Variants in PPARGC1B observed in about 807,000 individuals in gnomAD.
PPARGC1B encodes peroxisome proliferator-activated receptor gamma coactivator 1-beta.
Under a neutral mutation model 101.6 loss-of-function variants are expected in PPARGC1B, and 34 were observed. The observed-to-expected ratio is 0.33, with a 90% CI of 0.25 to 0.45. The LOEUF is 0.45. Among genes scored for constraint, PPARGC1B ranks in the 20% least tolerant of loss-of-function variants. The probability of loss-of-function intolerance (pLI) is 1.00; values close to 1 mark genes in which losing one functional copy is unlikely to be tolerated. For missense variants in PPARGC1B, 1,234 were observed against 1,317.6 expected (o/e 0.94, Z 0.98); for synonymous variants, 548 against 539.3 (o/e 1.02, Z -0.22).
intron 1 of PPARGC1B, among the ~76,000 whole-genome samples, chr5:149,784,499 C>T (rs1466796857): frequency 1.3e-5 from 2 of 151,814 alleles, no homozygotes; most frequent in Admixed American, 6.6e-5. Context: ...GGATCTGGCC[C>T]TGCATACCTC....
rs550080351 is a variant in PPARGC1B at position 149,763,155 on chromosome 5, C to G, written c.78+32735C>G. ...TGCCATCCCCTGCAACTTCCCTCCCCACTCTGGCCCTGCAGCCTCGCTTGC... is the reference window on the plus strand; with the variant it reads ...TGCCATCCCCTGCAACTTCCCTCCCGACTCTGGCCCTGCAGCCTCGCTTGC... On this transcript the variant is annotated intron_variant, in intron 1 of 11. Coordinates refer to ENST00000309241, the MANE Select transcript of PPARGC1B (RefSeq NM_133263.4). 7.3e-3 allele frequency among the ~76,000 whole-genome samples: 941 copies of G among 129,632 alleles called. 7 individuals carry two copies. The highest frequency in any genetic ancestry group is 0.024 in the African/African-American group (908 of 37,572). 85.0% of individuals were successfully genotyped at this position (129,632 alleles called of 152,430 possible). A position where few individuals can be genotyped will look rare whatever the true frequency, so the allele number is the denominator to read the frequency against.
At chr5:149,766,266 A>G (rs564714805) in intron 1 of PPARGC1B, among the ~76,000 whole-genome samples, 39 of 152,384 alleles carry the variant, frequency 2.6e-4, no homozygotes, top group Non-Finnish European at 5.0e-4. Flanking sequence ...CAGGAAGAAC[A>G]GGCTAAAATA....
chr5:149,773,077 G>T (rs1003082771), intron 1 of PPARGC1B, among the ~76,000 whole-genome samples: 2 of 152,178 alleles, frequency 1.3e-5, no homozygotes, highest in Non-Finnish European at 2.9e-5. Context: ...ATATTGTTCT[G>T]CCCGTGTACC....
chr5:149,737,438 GTCT>G (rs979920097), intron 1 of PPARGC1B, among the ~76,000 whole-genome samples: 28 of 152,082 alleles, frequency 1.8e-4, no homozygotes, highest in Admixed American at 1.4e-3. Context: ...CCTTTTCTGT[GTCT>G]TCCTTCTCCA....
chr5:149,853,945 T>A lies in PPARGC1B; in HGVS notation c.*6387T>A, dbSNP rs1759865315. On this transcript the variant is annotated 3_prime_UTR_variant, in exon 12 of 12. Coordinates refer to ENST00000309241, the MANE Select transcript of PPARGC1B (RefSeq NM_133263.4). This position sits in a 1 kb window ranked among gnomAD's most constrained non-coding sequence, Gnocchi z 4.2. ...GCCTCCTTGTGCCATGTTGTTAGCA[T>A]TGGCTTGGAGCATCTGCTTCTTCCA... is the stretch of plus-strand genomic sequence containing the variant. The A allele has an allele frequency of 6.6e-6, 1 of 152,152 alleles. No homozygotes were observed. Among genetic ancestry groups the A allele is most frequent in the Admixed American group, 6.5e-5 (1 of 15,282 alleles). The allele number at this position is 152,152 out of a possible 1,614,324, so 9.4% of individuals were successfully genotyped here.
rs1759692913 is a variant in PPARGC1B, at chr5:149,849,520, C to G, written c.*1962C>G. ...ACCAATACAGACATAACTAATCAAT[C>G]ACACCACTCAGGTTCCCTGAGCCTG... On this transcript the variant is annotated 3_prime_UTR_variant, in exon 12 of 12. Transcript: ENST00000309241. 1 of 152,246 alleles carries G rather than the reference C, an allele frequency of 6.6e-6. No homozygotes were observed. The highest frequency in any genetic ancestry group is 1.5e-5 in the Non-Finnish European group (1 of 68,044). The allele number at this position is 152,246 out of a possible 1,614,324, so 9.4% of individuals were successfully genotyped here.
rs369350284 is a variant in PPARGC1B at position 149,799,690 on chromosome 5, G to GTTTTTTT, written c.79-20741_79-20740insTTTTTTT. 7.2e-3 allele frequency among the ~76,000 whole-genome samples: 465 copies of GTTTTTTT among 64,886 alleles called. 9 individuals carry two copies. The highest frequency in any genetic ancestry group is 9.6e-3 in the East Asian group (23 of 2,396). 42.6% of individuals were successfully genotyped at this position (64,886 alleles called of 152,430 possible). A position where few individuals can be genotyped will look rare whatever the true frequency, so the allele number is the denominator to read the frequency against. On this transcript the variant is annotated intron_variant, in intron 1 of 11. Coordinates refer to ENST00000309241, the MANE Select transcript of PPARGC1B (RefSeq NM_133263.4). ...TTTTTTGTTTGTTTGTTTGCTTGTT[G>GTTTTTTT]TTGTTTTTTTTTTTTTTTTTTTTTG...
chr5:149,826,978 CGCAGGG>C (rs1758555770), intron 3 of PPARGC1B, 93 bp downstream of exon 3: 3 of 964,380 alleles, frequency 3.1e-6, no homozygotes, highest in Non-Finnish European at 4.8e-6. Flanking sequence ...GCTCCAGCCC[CGCAGGG>C]GACTCCGTGC....
intron 1 of PPARGC1B, among the ~76,000 whole-genome samples, chr5:149,777,784 AACACACACACACACACAC>A (rs4039101): frequency 5.5e-5 from 5 of 91,006 alleles, no homozygotes; most frequent in South Asian, 4.9e-4. Context: ...CTGTCTTTGT[AACACACACACACACACAC>A]ACACACACAC....
intron 1 of PPARGC1B, among the ~76,000 whole-genome samples, chr5:149,813,142 T>G (rs917917602): frequency 6.6e-6 from 1 of 152,116 alleles, no homozygotes; most frequent in African/African-American, 2.4e-5. Flanking sequence ...CTGGGATCAG[T>G]TAGTGGTATC....
intron 10 of PPARGC1B, among the ~76,000 whole-genome samples, chr5:149,845,443 A>G (rs931385662): frequency 5.9e-5 from 9 of 152,172 alleles, no homozygotes; most frequent in African/African-American, 2.2e-4. Context: ...TTTTGGGTAA[A>G]TTACTGAACT....
intron 1 of PPARGC1B, among the ~76,000 whole-genome samples, chr5:149,783,912 C>T (rs1756688380): frequency 6.6e-6 from 1 of 152,086 alleles, no homozygotes; most frequent in Admixed American, 6.5e-5. Flanking sequence ...TGGCAGTAAC[C>T]ATGTTTATAC....
intron 1 of PPARGC1B, among the ~76,000 whole-genome samples, chr5:149,816,021 C>T (rs1253360535): frequency 6.6e-6 from 1 of 152,164 alleles, no homozygotes; most frequent in African/African-American, 2.4e-5. Flanking sequence ...CCCAGCTCCA[C>T]TGGCAGGGCC....
chr5:149,824,348 G>A (rs903949687), intron 2 of PPARGC1B, among the ~76,000 whole-genome samples: 3 of 152,188 alleles, frequency 2.0e-5, no homozygotes, highest in Non-Finnish European at 2.9e-5. Flanking sequence ...TTAGCCTCCC[G>A]CCATTGTTCA....
intron 1 of PPARGC1B, among the ~76,000 whole-genome samples, chr5:149,767,963 T>C (rs546656312): frequency 6.6e-6 from 1 of 152,130 alleles, no homozygotes; most frequent in Non-Finnish European, 1.5e-5. Context: ...CACCATAATG[T>C]AGAATCAGTG....
At chr5:149,831,967 A>G (rs1280511789) in intron 4 of PPARGC1B, among the ~76,000 whole-genome samples, 5 of 152,238 alleles carry the variant, frequency 3.3e-5, no homozygotes, top group Non-Finnish European at 2.9e-5. Context: ...GACTTTTAGT[A>G]AACTTATACC....
chr5:149,802,689 G>A (rs1235204791), intron 1 of PPARGC1B, among the ~76,000 whole-genome samples: 2 of 151,590 alleles, frequency 1.3e-5, no homozygotes, highest in East Asian at 1.9e-4. Context: ...TACAGATGGG[G>A]CAGCTGGGGC....
intron 3 of PPARGC1B, among the ~76,000 whole-genome samples, chr5:149,829,341 C>G (rs1758650728): frequency 6.6e-6 from 1 of 152,224 alleles, no homozygotes; most frequent in Admixed American, 6.5e-5. Context: ...CTCTTTCCCC[C>G]AGTCCTAGGA....
intron 1 of PPARGC1B, chr5:149,818,932 C>T (rs1758162862): frequency 2.2e-6 from 1 of 454,284 alleles, no homozygotes; most frequent in Non-Finnish European, 4.4e-6. Context: ...GATCTCAACT[C>T]ACTTCTGCCA....
Sources: gnomAD v4.1 joint callset for allele counts (sites outside exome capture counted in the v4.1 genomes callset) on GRCh38, gnomAD v4.1.1 for gene constraint, Gnocchi (gnomAD v3.1) non-coding constraint, MANE v1.5 for transcripts, NCBI Gene and HGNC (gene_info 2026-07-23, HGNC 2026-07-21) for gene names.